The following FMO3 variants were observed in gnomAD, a reference collection of about 807,000 sequenced individuals.
FMO3 encodes the protein flavin-containing monooxygenase 3.
In FMO3, 40 loss-of-function variants were observed where a neutral mutation model predicts 39.4. That is an observed-to-expected ratio of 1.02 (90% CI 0.79 to 1.32). The LOEUF (loss-of-function observed/expected upper bound fraction) is 1.32, where lower values mean the gene tolerates loss of function less well. Among genes scored for constraint, FMO3 ranks in the 40% most tolerant of loss-of-function variants. FMO3 has a pLI of 0.00. For missense variants in FMO3, 680 were observed against 651.8 expected (o/e 1.04, Z -0.47); for synonymous variants, 219 against 228.8 (o/e 0.96, Z 0.39).
rs775150990 is a variant in FMO3 at position 171,117,179 on chromosome 1, A to G, written c.1336A>G (p.Asn446Asp). The G allele has an allele frequency of 1.9e-6, 3 of 1,614,110 alleles. No homozygotes were observed. The Admixed American group carries it at 5.0e-5, about 27-fold the overall frequency. Residue 446 changes from asparagine to aspartate, a missense_variant, in exon 9 of 9, where the codon AAC (asparagine) becomes GAC (aspartate). By Grantham distance (23) the Asn-to-Asp change is conservative. Transcript: ENST00000367755. ...CTCCTCCTTCATTGGGGCAAAGCCCAACATCCCATGGCTGTTTCTCACAGA... is the reference window on the plus strand; with the variant it reads ...CTCCTCCTTCATTGGGGCAAAGCCCGACATCCCATGGCTGTTTCTCACAGA... ...ELSSFIGAKPNIPWLFLTDPK... is the reference protein window; with the variant it reads ...ELSSFIGAKPDIPWLFLTDPK...
At chr1:171,103,060 T>A (rs958995126) in intron 2 of FMO3, among the ~76,000 whole-genome samples, 3 of 152,176 alleles carry the variant, frequency 2.0e-5, no homozygotes. Flanking sequence ...TGCAACCTCT[T>A]GTTACTGTTT....
chr1:171,092,547 T>G (rs1415957317), intron 1 of FMO3, 106 bp from the exon 2 acceptor site: 1 of 1,376,436 alleles, frequency 7.3e-7, no homozygotes, highest in Admixed American at 1.8e-5. Flanking sequence ...TATTAAAAAG[T>G]AAAGTTTTTA....
At chr1:171,100,207 C>G (rs1655315032) in intron 2 of FMO3, 1 of 152,186 alleles carries the variant, frequency 6.6e-6, no homozygotes, top group Non-Finnish European at 1.5e-5. Context: ...CCAAAGACAG[C>G]TAATTTGTCT....
At chr1:171,096,439 AT>A (rs1439971267) in intron 2 of FMO3, among the ~76,000 whole-genome samples, 2 of 104,730 alleles carry the variant, frequency 1.9e-5, no homozygotes, top group African/African-American at 7.9e-5. Flanking sequence ...TATATTACAT[AT>A]TTTATATATT....
chr1:171,094,122 C>T (rs187212953), intron 2 of FMO3, among the ~76,000 whole-genome samples: 5 of 152,124 alleles, frequency 3.3e-5, no homozygotes, highest in African/African-American at 1.2e-4. Context: ...AGCCACTGCG[C>T]CTGGCCTTTT....
At position 171,114,005 on chromosome 1, in the gene FMO3, A is replaced by T. The variant is rs1557946006; in HGVS notation, c.828-2A>T. On this transcript the variant is annotated splice_acceptor_variant, in intron 6 of 8. Coordinates refer to ENST00000367755, the MANE Select transcript of FMO3 (RefSeq NM_001002294.3). LOFTEE classifies it high-confidence loss of function. ...CAATAATTGTCTCTGTTTTCCATACAGAGTCCTGAGGAAAGAGCCTGTATT... is the reference window on the plus strand; with the variant it reads ...CAATAATTGTCTCTGTTTTCCATACTGAGTCCTGAGGAAAGAGCCTGTATT... 3 of 1,575,838 alleles carry T rather than the reference A, an allele frequency of 1.9e-6. No individual in the cohort carries two copies. The highest frequency in any genetic ancestry group is 1.7e-5 in the Admixed American group (1 of 58,864).
Position 171,117,349 on chromosome 1 carries a change from C to G in FMO3, c.1506C>G (p.Val502=), listed in dbSNP as rs781751575. ...RSLKPMQTRV[V]GRLQKPCFFF... ...TGAAACCCATGCAGACACGAGTGGTCGGGAGACTTCAGAAGCCTTGCTTCT... is the reference window on the plus strand; with the variant it reads ...TGAAACCCATGCAGACACGAGTGGTGGGGAGACTTCAGAAGCCTTGCTTCT... Residue 502 remains valine, a synonymous_variant, in exon 9 of 9, where the codon GTC becomes GTG. Coordinates refer to ENST00000367755, the MANE Select transcript of FMO3 (RefSeq NM_001002294.3). 1 of 1,613,080 alleles carries G rather than the reference C, an allele frequency of 6.2e-7. No homozygotes were observed. The highest frequency in any genetic ancestry group is 1.3e-5 in the African/African-American group (1 of 74,814).
rs1188401475 is a variant in FMO3 at position 171,114,295 on chromosome 1, C to G, written c.1116C>G (p.Val372=). The change falls in exon 7 of 9, where the codon GTC becomes GTG. Residue 372 remains valine, a synonymous_variant. Transcript: ENST00000367755. ...EKSTIAVIGF[V]QSLGAAIPTV... The stretch of plus-strand genomic sequence containing the variant: ...CAACCATAGCAGTGATTGGCTTTGT[C>G]CAGTCCCTTGGGGCTGCCATTCCCA... 1 of 1,613,930 alleles carries G rather than the reference C, an allele frequency of 6.2e-7. No individual in the cohort carries two copies. The highest frequency in any genetic ancestry group is 1.1e-5 in the South Asian group (1 of 91,080).
intron 5 of FMO3, 51 bp downstream of exon 5, chr1:171,108,272 T>C: frequency 6.2e-7 from 1 of 1,605,350 alleles, no homozygotes. Flanking sequence ...AGAAGAGTTA[T>C]TATCGTTTGA....
Position 171,114,342 on chromosome 1 carries a change from G to T in FMO3, c.1163G>T (p.Trp388Leu), listed in dbSNP as rs199975586. Residue 388 changes from tryptophan (W) to leucine (L), a missense_variant, in exon 7 of 9, where the codon TGG becomes TTG. Trp to Leu is a moderately conservative substitution (Grantham distance 61). Coordinates refer to ENST00000367755, the MANE Select transcript of FMO3 (RefSeq NM_001002294.3). ...CCCACAGTTGACCTCCAGTCCCGCT[G>T]GGCAGCACAAGTAATAAAGGGTAAG... is the stretch of plus-strand genomic sequence containing the variant. The part of the protein sequence containing the change: ...AIPTVDLQSR[W>L]AAQVIKGTCT... The T allele has an allele frequency of 9.3e-6, 15 of 1,613,230 alleles. No homozygotes were observed. In the Middle Eastern group the frequency reaches 4.9e-4, roughly 53 times the overall value.
At chr1:171,096,047 TA>T (rs1172550837) in intron 2 of FMO3, among the ~76,000 whole-genome samples, 11 of 57,054 alleles carry the variant, frequency 1.9e-4, no homozygotes, top group African/African-American at 1.3e-3. Flanking sequence ...ATATTATATA[TA>T]AATATATAAT....
chr1:171,106,761 G>T (rs1655656221), intron 3 of FMO3, among the ~76,000 whole-genome samples: 1 of 152,060 alleles, frequency 6.6e-6, no homozygotes, highest in African/African-American at 2.4e-5. Flanking sequence ...AAAGAGTTAG[G>T]CAAGGTGGTG....
chr1:171,102,636 C>G (rs1055524621), intron 2 of FMO3, among the ~76,000 whole-genome samples: 1 of 152,140 alleles, frequency 6.6e-6, no homozygotes, highest in African/African-American at 2.4e-5. Flanking sequence ...AACTTGCTGT[C>G]AATTAAATCA....
chr1:171,095,058 T>C (rs1654889590), intron 2 of FMO3, among the ~76,000 whole-genome samples: 1 of 152,034 alleles, frequency 6.6e-6, no homozygotes, highest in Non-Finnish European at 1.5e-5. Context: ...TCCATGAGCA[T>C]GAGATGTTTT....
At chr1:171,094,168 GAT>G (rs1335915858) in intron 2 of FMO3, among the ~76,000 whole-genome samples, 1 of 152,006 alleles carries the variant, frequency 6.6e-6, no homozygotes, top group Non-Finnish European at 1.5e-5. Context: ...ACTGGTGTAA[GAT>G]AGTATTTTAT....
rs1655524488 is a variant in FMO3 at position 171,103,922 on chromosome 1, T to C, written c.270T>C (p.Tyr90=). 3.1e-6 allele frequency: 5 copies of C among 1,613,832 alleles called. No homozygotes were observed. Among genetic ancestry groups the C allele is most frequent in the Non-Finnish European group, 4.2e-6 (5 of 1,179,892 alleles). The change falls in exon 3 of 9, where the codon TAT becomes TAC. Residue 90 remains tyrosine, a synonymous_variant. Coordinates refer to ENST00000367755, the MANE Select transcript of FMO3 (RefSeq NM_001002294.3). ...TGCACAACAGCAAGATCCAGGAATA[T>C]ATCATTGCATTTGCCAAAGAAAAGA... ...NFMHNSKIQE[Y]IIAFAKEKNL...
At position 171,113,248 on chromosome 1, in the gene FMO3, A is replaced by T. The variant is rs368818375; in HGVS notation, c.828-759A>T. Among the ~76,000 whole-genome samples the T allele has an allele frequency of 6.6e-5, 10 of 152,316 alleles. No individual in the cohort carries two copies. The East Asian group carries it at 1.9e-3, about 29-fold the overall frequency. On this transcript the variant is annotated intron_variant, in intron 6 of 8. Transcript: ENST00000367755. ...CCCACTACAGATATTATTGAATAAA[A>T]AGTAGTCCAAAGCTCTCTCTTTCCA...
intron 5 of FMO3, 101 bp downstream of exon 5, chr1:171,108,322 C>T: frequency 7.2e-7 from 1 of 1,398,336 alleles, no homozygotes; most frequent in Non-Finnish European, 1.0e-6. Flanking sequence ...GGAAGGGTAT[C>T]TGATGTAAAG....
At chr1:171,104,216 G>C (rs964880967) in intron 3 of FMO3, among the ~76,000 whole-genome samples, 1 of 151,802 alleles carries the variant, frequency 6.6e-6, no homozygotes, top group Non-Finnish European at 1.5e-5. Flanking sequence ...CAATACCAAA[G>C]AAATAAATAT....
Sources: allele counts gnomAD v4.1 joint callset (sites outside exome capture counted in the v4.1 genomes callset), GRCh38; gene constraint gnomAD v4.1.1; transcripts MANE v1.5; gene names NCBI Gene and HGNC (gene_info 2026-07-23, HGNC 2026-07-21).